The following CGNL1 variants were observed in gnomAD, a reference collection of about 807,000 sequenced individuals.
The protein encoded by CGNL1 is cingulin-like protein 1.
In CGNL1, 132 loss-of-function variants were observed where a neutral mutation model predicts 141.2. The ratio of observed to expected loss-of-function variants is 0.93; its 90% CI spans 0.81 to 1.08. The LOEUF (loss-of-function observed/expected upper bound fraction) is 1.08, where lower values mean the gene tolerates loss of function less well. Ranked by LOEUF, CGNL1 falls within the 50% of genes least tolerant of loss-of-function variation. The pLI is 0.00. For missense variants in CGNL1, 1,870 were observed against 1,588.6 expected (o/e 1.18, Z -3.01); for synonymous variants, 690 against 622.1 (o/e 1.11, Z -1.63).
intron 1 of CGNL1, among the ~76,000 whole-genome samples, chr15:57,397,767 T>C (rs2062617999): frequency 6.7e-6 from 1 of 150,226 alleles, no homozygotes; most frequent in African/African-American, 2.4e-5. Context: ...TGGAACACCT[T>C]GTACCACTTA....
At chr15:57,380,303 C>T (rs532957008) in intron 1 of CGNL1, among the ~76,000 whole-genome samples, 60 of 152,072 alleles carry the variant, frequency 3.9e-4, no homozygotes, top group Admixed American at 9.8e-4. Context: ...CAAAGTGCTC[C>T]GATTACAGGC....
At chr15:57,458,630 A>G (rs1353381217) in intron 7 of CGNL1, among the ~76,000 whole-genome samples, 1 of 151,776 alleles carries the variant, frequency 6.6e-6, no homozygotes, top group African/African-American at 2.4e-5. Context: ...AGCAGGAAAC[A>G]GGGGTCAGAA....
At chr15:57,518,577 G>A in intron 10 of CGNL1, 80 bp downstream of exon 10, 2 of 953,186 alleles carry the variant, frequency 2.1e-6, no homozygotes, top group Non-Finnish European at 1.6e-6. Context: ...TGTGGAGATT[G>A]TCCTTGGCCC....
intron 8 of CGNL1, among the ~76,000 whole-genome samples, chr15:57,494,303 G>A (rs1180016276): frequency 6.6e-6 from 1 of 152,182 alleles, no homozygotes; most frequent in East Asian, 1.9e-4. Context: ...TGAAATGGAG[G>A]CCAAGAAGCT....
chr15:57,413,140 G>C (rs1205134416), intron 1 of CGNL1, among the ~76,000 whole-genome samples: 1 of 151,952 alleles, frequency 6.6e-6, no homozygotes, highest in Non-Finnish European at 1.5e-5. Context: ...ATTAGGGCGT[G>C]AGCCACCACA....
intron 13 of CGNL1, among the ~76,000 whole-genome samples, chr15:57,529,697 A>C (rs753637727): frequency 6.6e-6 from 1 of 152,132 alleles, no homozygotes; most frequent in Non-Finnish European, 1.5e-5. Context: ...TTTTCAGAGA[A>C]GTTAAAATTG....
chr15:57,483,595 CT>C (rs1168135096), intron 8 of CGNL1, among the ~76,000 whole-genome samples: 39 of 151,520 alleles, frequency 2.6e-4, no homozygotes, highest in African/African-American at 9.2e-4. Context: ...ATCTATATAC[CT>C]TTTGCTACTT....
chr15:57,459,916 G>A (rs1331759228), intron 7 of CGNL1, among the ~76,000 whole-genome samples: 1 of 152,232 alleles, frequency 6.6e-6, no homozygotes, highest in Non-Finnish European at 1.5e-5. Flanking sequence ...GGTTCATCTA[G>A]CAGGTCTTTG....
intron 1 of CGNL1, among the ~76,000 whole-genome samples, chr15:57,388,909 G>T (rs1484938991): frequency 6.6e-6 from 1 of 152,204 alleles, no homozygotes; most frequent in Non-Finnish European, 1.5e-5. Context: ...GGAAGAAGGA[G>T]TCTGGCTGAA....
intron 1 of CGNL1, among the ~76,000 whole-genome samples, chr15:57,385,099 C>T (rs2062468408): frequency 6.6e-6 from 1 of 152,212 alleles, no homozygotes; most frequent in Admixed American, 6.5e-5. Context: ...TTCAGACTTC[C>T]ATGCATTGTT....
chr15:57,517,100 A>T, intron 9 of CGNL1, 114 bp downstream of exon 9: 1 of 1,009,492 alleles, frequency 9.9e-7, no homozygotes, highest in Non-Finnish European at 1.5e-6. Flanking sequence ...AGGAAAGGTC[A>T]AGGCAATAGT....
chr15:57,386,635 C>T (rs1210917068), intron 1 of CGNL1, among the ~76,000 whole-genome samples: 2 of 152,042 alleles, frequency 1.3e-5, no homozygotes, highest in Non-Finnish European at 2.9e-5. Flanking sequence ...GTTGTGTGAC[C>T]CTGGGTTAGC....
intron 14 of CGNL1, among the ~76,000 whole-genome samples, chr15:57,536,712 A>T (rs1439160238): frequency 6.6e-6 from 1 of 152,100 alleles, no homozygotes; most frequent in Non-Finnish European, 1.5e-5. Flanking sequence ...ATCCTTACCA[A>T]TGATTCCCTA....
Position 57,439,271 on chromosome 15 carries a change from GT to G in CGNL1, c.1273del (p.Cys425AlafsTer42). 6.2e-7 allele frequency: 1 copy of G among 1,614,098 alleles called. No individual in the cohort carries two copies. The highest frequency in any genetic ancestry group is 8.5e-7 in the Non-Finnish European group (1 of 1,180,048). ...SEHLLRPSQV[C>X]PQRPLSQERR... ...AACACCTCCTCCGGCCTTCCCAGGT[GT>G]GCCCGCAGCGGCCACTGTCTCAGGA... is the stretch of plus-strand genomic sequence containing the variant. On this transcript the variant is annotated frameshift_variant, in exon 2 of 19. Coordinates refer to ENST00000281282, the MANE Select transcript of CGNL1 (RefSeq NM_032866.5). LOFTEE classifies it high-confidence loss of function.
At position 57,439,275 on chromosome 15, in the gene CGNL1, C is replaced by T; in HGVS notation, c.1276C>T (p.Pro426Ser). 6.2e-7 allele frequency: 1 copy of T among 1,614,038 alleles called. No individual in the cohort carries two copies. The highest frequency in any genetic ancestry group is 8.5e-7 in the Non-Finnish European group (1 of 1,180,038). Residue 426 changes from proline (P) to serine (S), a missense_variant, in exon 2 of 19, where the codon CCG (proline) becomes TCG (serine). Transcript: ENST00000281282. ...EHLLRPSQVC[P>S]QRPLSQERRG... ...CCTCCTCCGGCCTTCCCAGGTGTGC[C>T]CGCAGCGGCCACTGTCTCAGGAGCG...
intron 10 of CGNL1, 143 bp downstream of exon 10, chr15:57,518,640 C>T: frequency 3.1e-6 from 2 of 642,018 alleles, no homozygotes; most frequent in Admixed American, 2.7e-5. Flanking sequence ...GTTATTTGAA[C>T]TATCCGTCTA....
chr15:57,547,655 T>A lies in CGNL1; in HGVS notation c.*165T>A. On this transcript the variant is annotated 3_prime_UTR_variant, in exon 19 of 19. Coordinates refer to ENST00000281282, the MANE Select transcript of CGNL1 (RefSeq NM_032866.5). ...TACATTCCTCGCCAGGGTCTCTCAG[T>A]GGGTCTTCGACAGAGAGCTTTTGCA... 1.3e-6 allele frequency: 1 copy of A among 752,196 alleles called. No individual in the cohort carries two copies. The highest frequency in any genetic ancestry group is 2.0e-5 in the South Asian group (1 of 50,784). The allele number at this position is 752,196 out of a possible 1,614,324, so 46.6% of individuals were successfully genotyped here.
Position 57,523,476 on chromosome 15 carries a change from C to G in CGNL1, c.2716-13C>G, listed in dbSNP as rs769564108. On this transcript the variant is annotated splice_polypyrimidine_tract_variant and intron_variant, in intron 10 of 18. Coordinates refer to ENST00000281282, the MANE Select transcript of CGNL1 (RefSeq NM_032866.5). ...AGTAGGTGACAGCACTGTCCTTTCC[C>G]TGCCATTTGCAGGGAAATCTGAGTC... is the stretch of plus-strand genomic sequence containing the variant. 6.2e-7 allele frequency: 1 copy of G among 1,613,986 alleles called. No homozygotes were observed.
At chr15:57,499,919 G>T (rs2063998222) in intron 8 of CGNL1, among the ~76,000 whole-genome samples, 1 of 152,156 alleles carries the variant, frequency 6.6e-6, no homozygotes, top group South Asian at 2.1e-4. Context: ...CAGGCTGAGG[G>T]GAGTTTGGAT....
Sources: gnomAD v4.1 joint callset for allele counts (sites outside exome capture counted in the v4.1 genomes callset) on GRCh38, gnomAD v4.1.1 for gene constraint, MANE v1.5 for transcripts, NCBI Gene and HGNC (gene_info 2026-07-23, HGNC 2026-07-21) for gene names.